PELI1: variants seen among roughly 807,000 people sequenced by gnomAD.
PELI1 encodes pellino E3 ubiquitin protein ligase 1.
Under a neutral mutation model 41.3 loss-of-function variants are expected in PELI1, and 15 were observed. The ratio of observed to expected loss-of-function variants is 0.36; its 90% CI spans 0.24 to 0.56. The LOEUF is 0.56. Among genes scored for constraint, PELI1 ranks in the 20% least tolerant of loss-of-function variants. The probability of loss-of-function intolerance (pLI) is 0.82; values close to 1 mark genes in which losing one functional copy is unlikely to be tolerated. For synonymous variants in PELI1, 178 were observed against 180.1 expected (o/e 0.99, Z 0.09); for missense variants, 403 against 525.5 (o/e 0.77, Z 2.28).
chr2:64,104,142 A>G (rs1680538413), intron 3 of PELI1, among the ~76,000 whole-genome samples: 1 of 152,258 alleles, frequency 6.6e-6, no homozygotes, highest in Admixed American at 6.5e-5. Context: ...TTGCCTTCAT[A>G]GCTTTGATTC....
chr2:64,131,094 ACCTT>A (rs1681539751), intron 1 of PELI1, among the ~76,000 whole-genome samples: 1 of 152,144 alleles, frequency 6.6e-6, no homozygotes, highest in Non-Finnish European at 1.5e-5. Flanking sequence ...CTAGGAGAGA[ACCTT>A]CGTTTTCATG....
intron 3 of PELI1, among the ~76,000 whole-genome samples, chr2:64,103,240 T>C (rs1680506112): frequency 6.6e-6 from 1 of 151,870 alleles, no homozygotes; most frequent in Non-Finnish European, 1.5e-5. Context: ...CAGAGTAAAA[T>C]AGGAAGAAAA....
intron 3 of PELI1, among the ~76,000 whole-genome samples, chr2:64,102,056 A>G (rs1300115401): frequency 1.3e-5 from 2 of 151,818 alleles, no homozygotes; most frequent in African/African-American, 4.8e-5. Context: ...CGAACTCCTG[A>G]CCTCGTGATC....
chr2:64,120,595 T>C (rs1345184205), intron 1 of PELI1, among the ~76,000 whole-genome samples: 2 of 152,198 alleles, frequency 1.3e-5, no homozygotes, highest in African/African-American at 4.8e-5. Context: ...AGCAGAGCCC[T>C]AAAATTAGTA....
In PELI1 at chr2:64,144,251, G is replaced by A. The variant is rs1035747957; in HGVS notation, c.-240C>T. ...AGTTGACCACGGAGCCGAGCGCTGA[G>A]GAGCCGCGGACGCAGGGAGAGGCGT... On this transcript the variant is annotated 5_prime_UTR_variant, in exon 1 of 7. Coordinates refer to ENST00000358912, the MANE Select transcript of PELI1 (RefSeq NM_020651.4). The A allele has an allele frequency of 1.0e-4, 16 of 152,382 alleles. No homozygotes were observed. Among genetic ancestry groups the A allele is most frequent in the African/African-American group, 3.6e-4 (15 of 41,586 alleles). The allele number at this position is 152,382 out of a possible 1,614,324, so 9.4% of individuals were successfully genotyped here. A position where few individuals can be genotyped will look rare whatever the true frequency, so the allele number is the denominator to read the frequency against.
intron 1 of PELI1, among the ~76,000 whole-genome samples, chr2:64,137,954 C>CTTATT (rs1353781153): frequency 6.6e-6 from 1 of 152,086 alleles, no homozygotes; most frequent in Non-Finnish European, 1.5e-5. Flanking sequence ...AAGTATAAGA[C>CTTATT]TTATTTTAGA....
rs114204378 is a variant in PELI1, at chr2:64,139,543, C to T, written c.-70+4538G>A. Among the ~76,000 whole-genome samples the T allele has an allele frequency of 1.1e-3, 175 of 152,334 alleles. 1 individual carries two copies. The highest frequency in any genetic ancestry group is 3.9e-3 in the African/African-American group (162 of 41,574). On this transcript the variant is annotated intron_variant, in intron 1 of 6. Transcript: ENST00000358912. ...CTCCTGGACAAGAGGGATCTTCCCA[C>T]CTCAGCCTCTCAAGGTGCTAGGATT...
rs1342037924 is a variant in PELI1, at chr2:64,137,429, T to C, written c.-70+6652A>G. ...CTTGAATGCAGAATATAAATGAAAT[T>C]TACCTGAAATTACTGTTTTGATACT... is the stretch of plus-strand genomic sequence containing the variant. On this transcript the variant is annotated intron_variant, in intron 1 of 6. Transcript: ENST00000358912. 2.6e-5 allele frequency among the ~76,000 whole-genome samples: 4 copies of C among 152,138 alleles called. No homozygotes were observed. The South Asian group carries it at 8.3e-4, about 31-fold the overall frequency.
chr2:64,103,421 T>C (rs1332599934), intron 3 of PELI1, among the ~76,000 whole-genome samples: 1 of 152,122 alleles, frequency 6.6e-6, no homozygotes, highest in Non-Finnish European at 1.5e-5. Context: ...GAAGGACCTA[T>C]AAATGTCCTG....
chr2:64,130,558 C>T (rs1003583347), intron 1 of PELI1, among the ~76,000 whole-genome samples: 4 of 152,134 alleles, frequency 2.6e-5, no homozygotes, highest in African/African-American at 9.7e-5. Flanking sequence ...ACATATGACC[C>T]TGTGCTATCT....
At chr2:64,125,528 G>T (rs1681356462) in intron 1 of PELI1, among the ~76,000 whole-genome samples, 1 of 152,140 alleles carries the variant, frequency 6.6e-6, no homozygotes, top group South Asian at 2.1e-4. Flanking sequence ...AGTTTCACTT[G>T]ATCCCTCTGA....
At chr2:64,108,215 GT>G in intron 2 of PELI1, 24 bp downstream of exon 2, 1 of 1,311,880 alleles carries the variant, frequency 7.6e-7, no homozygotes, top group Non-Finnish European at 1.1e-6. Flanking sequence ...TAAACTGTGT[GT>G]GTCATCAAAT....
At chr2:64,120,124 G>A (rs751564587) in intron 1 of PELI1, among the ~76,000 whole-genome samples, 1 of 152,100 alleles carries the variant, frequency 6.6e-6, no homozygotes, top group Non-Finnish European at 1.5e-5. Context: ...TCATGAATAC[G>A]GAGGAACTAC....
intron 1 of PELI1, among the ~76,000 whole-genome samples, chr2:64,114,774 T>C (rs1680935271): frequency 6.6e-6 from 1 of 152,200 alleles, no homozygotes; most frequent in Non-Finnish European, 1.5e-5. Flanking sequence ...CTGTTCTACC[T>C]AGATGCCAGT....
intron 1 of PELI1, among the ~76,000 whole-genome samples, chr2:64,123,985 C>T (rs1681305869): frequency 6.6e-6 from 1 of 151,926 alleles, no homozygotes; most frequent in Non-Finnish European, 1.5e-5. Context: ...TGATATATAC[C>T]ACAACATGGA....
At chr2:64,123,597 A>C (rs1482245826) in intron 1 of PELI1, among the ~76,000 whole-genome samples, 1 of 152,242 alleles carries the variant, frequency 6.6e-6, no homozygotes, top group African/African-American at 2.4e-5. Flanking sequence ...TCAAACCCAC[A>C]ATGACCACTT....
intron 3 of PELI1, among the ~76,000 whole-genome samples, chr2:64,102,655 T>G (rs1247344929): frequency 6.6e-6 from 1 of 152,206 alleles, no homozygotes; most frequent in Admixed American, 6.5e-5. Flanking sequence ...TCTTTGTTTG[T>G]TAGTTATTAA....
At chr2:64,105,418 A>G (rs1473974935) in intron 2 of PELI1, among the ~76,000 whole-genome samples, 2 of 152,270 alleles carry the variant, frequency 1.3e-5, no homozygotes, top group South Asian at 2.1e-4. Flanking sequence ...TCTTATGACC[A>G]TTTCTCCATA....
intron 4 of PELI1, among the ~76,000 whole-genome samples, chr2:64,099,109 A>T (rs974761031): frequency 6.6e-6 from 1 of 151,682 alleles, no homozygotes; most frequent in Admixed American, 6.6e-5. Flanking sequence ...TAAACAAATA[A>T]ATATAACGTA....
Sources: gnomAD v4.1 joint callset for allele counts (sites outside exome capture counted in the v4.1 genomes callset) on GRCh38, gnomAD v4.1.1 for gene constraint, MANE v1.5 for transcripts, NCBI Gene and HGNC (gene_info 2026-07-23, HGNC 2026-07-21) for gene names.